SCAF4: variants seen among roughly 807,000 people sequenced by gnomAD.
SCAF4 encodes SR-related and CTD-associated factor 4.
In SCAF4, 25 loss-of-function variants were observed where a neutral mutation model predicts 129.8. The observed-to-expected ratio is 0.19, with a 90% CI of 0.14 to 0.27. The LOEUF (loss-of-function observed/expected upper bound fraction) is 0.27, where lower values mean the gene tolerates loss of function less well. Ranked by LOEUF, SCAF4 falls within the 10% of genes least tolerant of loss-of-function variation. The pLI is 1.00. For synonymous variants in SCAF4, 551 were observed against 497.7 expected, an observed-to-expected ratio of 1.11 and a Z score of -1.43; for missense variants, 1,246 against 1,457.1, an observed-to-expected ratio of 0.86 and a Z score of 2.36.
intron 1 of SCAF4, among the ~76,000 whole-genome samples, chr21:31,710,030 AG>A (rs1205045085): frequency 1.3e-5 from 2 of 151,978 alleles, no homozygotes; most frequent in East Asian, 1.9e-4. Flanking sequence ...AAAGGAATAT[AG>A]GGGGAAAAAA....
At chr21:31,728,579 T>C (rs1446369617) in intron 1 of SCAF4, among the ~76,000 whole-genome samples, 2 of 152,232 alleles carry the variant, frequency 1.3e-5, no homozygotes, top group Non-Finnish European at 2.9e-5. Context: ...TATAATTTCT[T>C]GGAAAATCAG....
At chr21:31,696,959 T>C (rs1314172728) in intron 7 of SCAF4, among the ~76,000 whole-genome samples, 2 of 152,192 alleles carry the variant, frequency 1.3e-5, no homozygotes, top group Non-Finnish European at 2.9e-5. Flanking sequence ...AGTGTTTTCA[T>C]TCTGTTTTCC....
Position 31,671,831 on chromosome 21 carries a change from A to T in SCAF4, c.3012T>A (p.Ser1004=), listed in dbSNP as rs2049707516. The T allele has an allele frequency of 6.2e-7, 1 of 1,614,154 alleles. No individual in the cohort carries two copies. Among genetic ancestry groups the T allele is most frequent in the Non-Finnish European group, 8.5e-7 (1 of 1,180,010 alleles). Residue 1004 remains serine (S), a synonymous_variant, in exon 20 of 20, where the codon TCT becomes TCA. Coordinates refer to ENST00000286835, the MANE Select transcript of SCAF4 (RefSeq NM_020706.2). ...GGTCATTTTCCACCCTATTTCCAAA[A>T]GATCTTCTTCCAAACCTTTCTTGGT... ...GRDQERFGRR[S]FGNRVENDRE... is the part of the protein sequence containing the mutation.
chr21:31,681,581 T>C (rs1194297526), intron 19 of SCAF4, among the ~76,000 whole-genome samples: 1 of 152,216 alleles, frequency 6.6e-6, no homozygotes, highest in African/African-American at 2.4e-5. Flanking sequence ...CCAACAACTG[T>C]AGAATGTTAC....
chr21:31,690,313 C>T (rs767377014), intron 15 of SCAF4, among the ~76,000 whole-genome samples: 4 of 151,488 alleles, frequency 2.6e-5, no homozygotes, highest in Middle Eastern at 3.4e-3. Context: ...GGTGAAACCC[C>T]GTGTCTATTG....
intron 1 of SCAF4, among the ~76,000 whole-genome samples, chr21:31,720,500 C>T (rs547674482): frequency 6.6e-6 from 1 of 152,336 alleles, no homozygotes; most frequent in Admixed American, 6.5e-5. Flanking sequence ...CTTCTCCCCA[C>T]ATAAATGGTC....
At chr21:31,677,511 G>A (rs1255649317) in intron 19 of SCAF4, among the ~76,000 whole-genome samples, 1 of 152,014 alleles carries the variant, frequency 6.6e-6, no homozygotes, top group African/African-American at 2.4e-5. Flanking sequence ...CTATGTAACT[G>A]GGCTTTTGAA....
chr21:31,731,620 C>T (rs1461521754), intron 1 of SCAF4, 43 bp downstream of exon 1: 2 of 1,582,360 alleles, frequency 1.3e-6, no homozygotes, highest in East Asian at 2.4e-5. Flanking sequence ...AGCCCCGGCT[C>T]CCGCAGCAGG....
intron 19 of SCAF4, among the ~76,000 whole-genome samples, chr21:31,674,794 T>A (rs949880992): frequency 2.0e-5 from 3 of 152,186 alleles, no homozygotes; most frequent in Admixed American, 6.5e-5. Flanking sequence ...TATAAATTTT[T>A]AAAAAACCCA....
chr21:31,671,960 C>T lies in SCAF4; in HGVS notation c.2883G>A (p.Gln961=). Reference sequence around the variant, plus strand: ...ATGGTGGTGGCTGCTGCTGCTGCTGCTGCTGTGGTTGCTGGGGCGCCTGCG... The same window carrying T: ...ATGGTGGTGGCTGCTGCTGCTGCTGTTGCTGTGGTTGCTGGGGCGCCTGCG... ...PQPQAPQQPQ[Q]QQQQQPPPSQ... The change falls in exon 20 of 20, where the codon CAG becomes CAA. Residue 961 remains glutamine (Q), a synonymous_variant. Coordinates refer to ENST00000286835, the MANE Select transcript of SCAF4 (RefSeq NM_020706.2). 1 of 1,609,002 alleles carries T rather than the reference C, an allele frequency of 6.2e-7. No homozygotes were observed. Among genetic ancestry groups the T allele is most frequent in the South Asian group, 1.1e-5 (1 of 90,834 alleles).
rs2050660280 is a variant in SCAF4, at chr21:31,706,263, T to C, written c.114+11A>G. 6.6e-7 allele frequency: 1 copy of C among 1,515,988 alleles called. No individual in the cohort carries two copies. The highest frequency in any genetic ancestry group is 9.0e-7 in the Non-Finnish European group (1 of 1,107,416). The allele number at this position is 1,515,988 out of a possible 1,614,324, so 93.9% of individuals were successfully genotyped here. A position where few individuals can be genotyped will look rare whatever the true frequency, so the allele number is the denominator to read the frequency against. ...AAAAAGATTTCTCAAATTGCTTTAT[T>C]TTATCATTACCTTAATAGCTTTAAT... On this transcript the variant is annotated intron_variant, in intron 2 of 19. Coordinates refer to ENST00000286835, the MANE Select transcript of SCAF4 (RefSeq NM_020706.2).
intron 14 of SCAF4, 129 bp downstream of exon 14, chr21:31,691,688 A>AT: frequency 2.5e-6 from 1 of 393,784 alleles, no homozygotes; most frequent in South Asian, 9.8e-5. Flanking sequence ...AAAAAAAAAA[A>AT]AAAGATGCAC....
intron 7 of SCAF4, among the ~76,000 whole-genome samples, chr21:31,697,302 T>C (rs1428732174): frequency 6.6e-6 from 1 of 152,144 alleles, no homozygotes; most frequent in Non-Finnish European, 1.5e-5. Context: ...CTTCACAGCT[T>C]ACCAGAAACT....
At chr21:31,712,163 G>C (rs965329293) in intron 1 of SCAF4, among the ~76,000 whole-genome samples, 1 of 151,214 alleles carries the variant, frequency 6.6e-6, no homozygotes, top group Non-Finnish European at 1.5e-5. Context: ...TTCCAGGTAA[G>C]ACATGGGCCC....
chr21:31,705,799 A>G (rs1428252425), intron 2 of SCAF4, among the ~76,000 whole-genome samples: 1 of 152,240 alleles, frequency 6.6e-6, no homozygotes, highest in African/African-American at 2.4e-5. Context: ...GTCACATTTT[A>G]AAGTGTGATT....
At chr21:31,717,946 C>CACACACACAT (rs1491481823) in intron 1 of SCAF4, among the ~76,000 whole-genome samples, 6 of 118,582 alleles carry the variant, frequency 5.1e-5, no homozygotes, top group East Asian at 2.3e-4. Flanking sequence ...CACACACACA[C>CACACACACAT]ATATATATTT....
chr21:31,692,261 T>G, intron 13 of SCAF4, 88 bp downstream of exon 13: 1 of 979,664 alleles, frequency 1.0e-6, no homozygotes, highest in Admixed American at 1.8e-5. Flanking sequence ...CCTGGGCAAA[T>G]TGTAACTTTG....
chr21:31,692,867 T>C (rs1038624968), intron 12 of SCAF4, among the ~76,000 whole-genome samples: 2 of 152,254 alleles, frequency 1.3e-5, no homozygotes, highest in Non-Finnish European at 2.9e-5. Flanking sequence ...GTTGATGGTT[T>C]TTCTTTTATG....
At chr21:31,685,281 T>A in intron 18 of SCAF4, 41 bp from the exon 19 acceptor site, 1 of 1,522,972 alleles carries the variant, frequency 6.6e-7, no homozygotes, top group South Asian at 1.1e-5. Flanking sequence ...GCTGAATAAT[T>A]AATTATCTCC....
Sources: allele counts gnomAD v4.1 joint callset (sites outside exome capture counted in the v4.1 genomes callset), GRCh38; gene constraint gnomAD v4.1.1; transcripts MANE v1.5; gene names NCBI Gene and HGNC (gene_info 2026-07-23, HGNC 2026-07-21).